The following DYNC1I1 variants were observed in gnomAD, a reference collection of about 807,000 sequenced individuals.
The protein encoded by DYNC1I1 is cytoplasmic dynein 1 intermediate chain 1.
DYNC1I1 carries 43 observed loss-of-function variants against 86.6 expected under a neutral mutation model. The ratio of observed to expected loss-of-function variants is 0.50; its 90% confidence interval spans 0.39 to 0.64. DYNC1I1 has a LOEUF of 0.64. Ranked by LOEUF, DYNC1I1 falls within the 30% of genes least tolerant of loss-of-function variation. The pLI is 0.00. For synonymous variants in DYNC1I1, 262 were observed against 283.7 expected (o/e 0.92, Z 0.77); for missense variants, 604 against 788.8 (o/e 0.77, Z 2.81).
chr7:96,011,995 T>A (rs1794287236), intron 10 of DYNC1I1, among the ~76,000 whole-genome samples: 1 of 152,182 alleles, frequency 6.6e-6, no homozygotes, highest in African/African-American at 2.4e-5. Context: ...TTGAAAAACT[T>A]AAAAAATGAA....
chr7:96,035,429 G>A (rs1419293096), intron 12 of DYNC1I1, among the ~76,000 whole-genome samples, 190 bp from the exon 13 acceptor site: 1 of 152,160 alleles, frequency 6.6e-6, no homozygotes, highest in Non-Finnish European at 1.5e-5. Context: ...AAATCCAGCC[G>A]GCTTGAAACC....
At chr7:96,076,317 G>C in intron 15 of DYNC1I1, 120 bp downstream of exon 15, 1 of 1,395,058 alleles carries the variant, frequency 7.2e-7, no homozygotes, top group Non-Finnish European at 9.5e-7. Context: ...AACTGCAGCA[G>C]GGCTGCCGGC....
At position 95,774,610 on chromosome 7, in the gene DYNC1I1, G is replaced by A. The variant is rs978541380; in HGVS notation, c.-10+1837G>A. Among the ~76,000 whole-genome samples the A allele has an allele frequency of 3.3e-5, 5 of 152,096 alleles. No individual in the cohort carries two copies. The South Asian group carries it at 1.0e-3, about 32-fold the overall frequency. On this transcript the variant is annotated intron_variant, in intron 1 of 16. Coordinates refer to ENST00000447467, the MANE Select transcript of DYNC1I1 (RefSeq NM_001135556.2). ...TTCGAAGAGAGTAAGAAGTCACTTG[G>A]CATTTCAGTCACCATGTTTTATATC... is the stretch of plus-strand genomic sequence containing the variant.
At chr7:95,903,233 A>G (rs1791086476) in intron 6 of DYNC1I1, among the ~76,000 whole-genome samples, 2 of 152,242 alleles carry the variant, frequency 1.3e-5, no homozygotes, top group South Asian at 4.1e-4. Context: ...GGAAATAAGA[A>G]CATATTTACC....
chr7:95,996,134 T>G (rs1361671590), intron 10 of DYNC1I1, 61 bp downstream of exon 10: 14 of 1,608,326 alleles, frequency 8.7e-6, no homozygotes, highest in African/African-American at 2.7e-5. Context: ...TAGTTTGTGC[T>G]GCATTGCATC....
chr7:96,109,884 A>AAT (rs1791286189), intron 16 of DYNC1I1: 1 of 204,482 alleles, frequency 4.9e-6, no homozygotes, highest in African/African-American at 2.4e-5. Flanking sequence ...GTGTTCTAAA[A>AAT]ATATGAATTA....
At chr7:95,802,144 T>C (rs1488188111) in intron 1 of DYNC1I1, among the ~76,000 whole-genome samples, 2 of 152,092 alleles carry the variant, frequency 1.3e-5, no homozygotes, top group African/African-American at 4.8e-5. Context: ...ATTTGTGCAT[T>C]CTGCCCAGAA....
intron 14 of DYNC1I1, among the ~76,000 whole-genome samples, chr7:96,052,303 C>T (rs1789424533): frequency 6.6e-6 from 1 of 151,642 alleles, no homozygotes; most frequent in South Asian, 2.1e-4. Context: ...ATTTAAGAAA[C>T]CATAACATTG....
chr7:96,031,544 GTT>G (rs1348415557), intron 11 of DYNC1I1, among the ~76,000 whole-genome samples: 3 of 152,168 alleles, frequency 2.0e-5, no homozygotes, highest in Non-Finnish European at 4.4e-5. Flanking sequence ...TTTAAGCAGA[GTT>G]TGGACCACCT....
At chr7:96,071,743 C>T (rs935690560) in intron 14 of DYNC1I1, among the ~76,000 whole-genome samples, 3 of 152,194 alleles carry the variant, frequency 2.0e-5, no homozygotes, top group African/African-American at 7.2e-5. Context: ...TCCTCAGGAT[C>T]ATTAACAGAC....
chr7:95,869,043 C>T (rs1447223912), intron 5 of DYNC1I1, among the ~76,000 whole-genome samples: 2 of 152,192 alleles, frequency 1.3e-5, no homozygotes, highest in African/African-American at 4.8e-5. Context: ...CGGACCAAGA[C>T]TCATAACCTT....
intron 5 of DYNC1I1, among the ~76,000 whole-genome samples, chr7:95,841,185 A>T (rs561590699): frequency 1.3e-5 from 2 of 152,162 alleles, no homozygotes; most frequent in Non-Finnish European, 2.9e-5. Context: ...AAAGGTCTAG[A>T]TGGGTAGTTT....
intron 1 of DYNC1I1, among the ~76,000 whole-genome samples, chr7:95,787,336 G>A (rs984575073): frequency 7.9e-5 from 12 of 152,170 alleles, no homozygotes; most frequent in African/African-American, 2.9e-4. Context: ...TAAAGGCTGA[G>A]TCTAGAGGCA....
At chr7:95,847,709 T>C (rs886935013) in intron 5 of DYNC1I1, among the ~76,000 whole-genome samples, 4 of 152,164 alleles carry the variant, frequency 2.6e-5, no homozygotes, top group African/African-American at 4.8e-5. Context: ...TCAAAACTTA[T>C]ATTCTGAAAA....
intron 6 of DYNC1I1, among the ~76,000 whole-genome samples, chr7:95,942,426 C>T (rs1282119160): frequency 2.0e-5 from 3 of 152,132 alleles, no homozygotes; most frequent in Admixed American, 6.6e-5. Context: ...GATTCACAGC[C>T]GAATTCTACC....
chr7:96,055,472 T>C, intron 14 of DYNC1I1, among the ~76,000 whole-genome samples: 1 of 152,168 alleles, frequency 6.6e-6, no homozygotes, highest in East Asian at 1.9e-4. Flanking sequence ...CTTATTATAG[T>C]TATTCTTTAC....
intron 14 of DYNC1I1, among the ~76,000 whole-genome samples, chr7:96,074,771 C>G (rs1403271650): frequency 6.6e-6 from 1 of 152,126 alleles, no homozygotes; most frequent in Non-Finnish European, 1.5e-5. Flanking sequence ...GGAGAAATCA[C>G]TCTAATATTT....
chr7:95,818,219 T>TC (rs1794990701), intron 4 of DYNC1I1, among the ~76,000 whole-genome samples: 1 of 150,658 alleles, frequency 6.6e-6, no homozygotes, highest in Non-Finnish European at 1.5e-5. Flanking sequence ...TTTTTTTTTT[T>TC]GACCATCTTT....
intron 6 of DYNC1I1, among the ~76,000 whole-genome samples, chr7:95,870,387 AC>A (rs11329999): frequency 0.98 from 148,913 of 152,360 alleles, 72,863 homozygotes; most frequent in Middle Eastern, 1. Context: ...ACTATAGCCC[AC>A]CCACCTGTTC....
Sources: allele counts gnomAD v4.1 joint callset (sites outside exome capture counted in the v4.1 genomes callset), GRCh38; gene constraint gnomAD v4.1.1; transcripts MANE v1.5; gene names NCBI Gene and HGNC (gene_info 2026-07-23, HGNC 2026-07-21).